ITGA11: variants seen among roughly 807,000 people sequenced by gnomAD.
The protein encoded by ITGA11 is integrin subunit alpha 11.
In ITGA11, 97 loss-of-function variants were observed where a neutral mutation model predicts 141.9. The observed-to-expected ratio is 0.68, with a 90% CI of 0.58 to 0.81. ITGA11 has a LOEUF of 0.81. ITGA11 is among the 30% of genes least tolerant of loss of function. The pLI is 0.00. For synonymous variants in ITGA11, 658 were observed against 624.6 expected (o/e 1.05, Z -0.80); for missense variants, 1,387 against 1,559.2 (o/e 0.89, Z 1.86).
chr15:68,402,477 T>C (rs1043112846), intron 2 of ITGA11, among the ~76,000 whole-genome samples: 1 of 152,112 alleles, frequency 6.6e-6, no homozygotes, highest in African/African-American at 2.4e-5. Context: ...CTCTTGGGGA[T>C]CTTTCCAGCC....
At position 68,432,101 on chromosome 15, in the gene ITGA11, C is replaced by T. The variant is rs1447646176; in HGVS notation, c.-35G>A. 7.4e-7 allele frequency: 1 copy of T among 1,354,284 alleles called. No homozygotes were observed. Among genetic ancestry groups the T allele is most frequent in the South Asian group, 2.1e-5 (1 of 47,344 alleles). 83.9% of individuals were successfully genotyped at this position (1,354,284 alleles called of 1,614,324 possible). On this transcript the variant is annotated 5_prime_UTR_variant, in exon 1 of 30. Coordinates refer to ENST00000315757, the MANE Select transcript of ITGA11 (RefSeq NM_001004439.2). ...CACGGCGGCTGGGTCCGGTGTGCAG[C>T]GGCGGCGGGGGGCGGCAAGCCAGAG...
chr15:68,351,138 CTTTT>C (rs1193565640), intron 8 of ITGA11, 116 bp downstream of exon 8: 2 of 1,089,498 alleles, frequency 1.8e-6, no homozygotes, highest in South Asian at 1.6e-5. Flanking sequence ...AAATGGGAGG[CTTTT>C]TTGAGGGCCT....
chr15:68,418,760 C>G (rs960246996), intron 1 of ITGA11, among the ~76,000 whole-genome samples: 3 of 151,896 alleles, frequency 2.0e-5, no homozygotes, highest in Non-Finnish European at 4.4e-5. Context: ...TCCTGGCATA[C>G]TGACCATCTC....
chr15:68,391,310 C>T (rs777123746), intron 2 of ITGA11, among the ~76,000 whole-genome samples: 1 of 152,188 alleles, frequency 6.6e-6, no homozygotes, highest in Non-Finnish European at 1.5e-5. Context: ...CCTGGGGCAC[C>T]ATTTCTCTCC....
At chr15:68,404,011 C>T (rs767820404) in intron 1 of ITGA11, among the ~76,000 whole-genome samples, 3 of 152,136 alleles carry the variant, frequency 2.0e-5, no homozygotes, top group Non-Finnish European at 4.4e-5. Context: ...AGGGAACTCC[C>T]GATTCTACCA....
At chr15:68,374,895 C>G (rs549245529) in intron 2 of ITGA11, among the ~76,000 whole-genome samples, 1 of 152,372 alleles carries the variant, frequency 6.6e-6, no homozygotes, top group South Asian at 2.1e-4. Context: ...GAATGAATCA[C>G]TTTCAATGCA....
At position 68,302,131 on chromosome 15, in the gene ITGA11, C is replaced by A. The variant is rs1342833810; in HGVS notation, c.*928G>T. The A allele has an allele frequency of 8.4e-6, 1 of 118,934 alleles. No homozygotes were observed. The highest frequency in any genetic ancestry group is 3.3e-5 in the African/African-American group (1 of 30,684). 7.4% of individuals were successfully genotyped at this position (118,934 alleles called of 1,614,324 possible). A position where few individuals can be genotyped will look rare whatever the true frequency, so the allele number is the denominator to read the frequency against. On this transcript the variant is annotated 3_prime_UTR_variant, in exon 30 of 30. Transcript: ENST00000315757. ...GTGTGTGTGTAGGGAGGGGGTGATA[C>A]AGGGAGGGGAGGCTCCCTACCCCTA...
At chr15:68,317,929 T>C (rs1323971150) in intron 20 of ITGA11, among the ~76,000 whole-genome samples, 3 of 152,214 alleles carry the variant, frequency 2.0e-5, no homozygotes, top group East Asian at 3.9e-4. Flanking sequence ...TGCATGTGTG[T>C]GCATGTACCT....
rs769741463 is a variant in ITGA11 at position 68,348,822 on chromosome 15, C to A, written c.1131+8G>T. On this transcript the variant is annotated splice_region_variant and intron_variant, in intron 10 of 29. Transcript: ENST00000315757. Reference sequence around the variant, plus strand: ...GCTGGGCTCTGTGCCCGTACCTCCACCACATACCTCCACCACGTGCGAGGA... The same window carrying A: ...GCTGGGCTCTGTGCCCGTACCTCCAACACATACCTCCACCACGTGCGAGGA... The A allele has an allele frequency of 1.9e-6, 3 of 1,605,270 alleles. No individual in the cohort carries two copies. Among genetic ancestry groups the A allele is most frequent in the East Asian group, 2.2e-5 (1 of 44,478 alleles).
intron 3 of ITGA11, 103 bp downstream of exon 3, chr15:68,369,081 C>A (rs1488911358): frequency 1.3e-6 from 1 of 797,300 alleles, no homozygotes; most frequent in Non-Finnish European, 2.2e-6. Flanking sequence ...CATGGAGTAG[C>A]AGGAAGGAGT....
intron 11 of ITGA11, among the ~76,000 whole-genome samples, chr15:68,338,855 C>T (rs188164053): frequency 6.6e-5 from 10 of 152,348 alleles, no homozygotes; most frequent in Admixed American, 5.2e-4. Flanking sequence ...GGACCCTGAA[C>T]ATCACCCCCC....
intron 20 of ITGA11, among the ~76,000 whole-genome samples, chr15:68,318,478 G>T (rs913997233): frequency 6.6e-6 from 1 of 152,174 alleles, no homozygotes. Flanking sequence ...ACCATCAGGT[G>T]GGCTCTTCAT....
intron 9 of ITGA11, 73 bp downstream of exon 9, chr15:68,350,544 G>A (rs1470676313): frequency 6.9e-7 from 1 of 1,440,682 alleles, no homozygotes; most frequent in African/African-American, 1.4e-5. Flanking sequence ...TGTGGGATTG[G>A]TTTGTGCTCT....
rs761902509 is a variant in ITGA11 at position 68,351,290 on chromosome 15, C to T, written c.862G>A (p.Glu288Lys). Reference sequence around the variant, plus strand: ...GCATATCTTGTTACGTTGTCTCTTTCGCTTTGCTGGATCACCTTCTCCAGG... The same window carrying T: ...GCATATCTTGTTACGTTGTCTCTTTTGCTTTGCTGGATCACCTTCTCCAGG... ...PDLEKVIQQS[E>K]RDNVTRYAVA... The change falls in exon 8 of 30, where the codon GAA becomes AAA. Residue 288 changes from glutamate to lysine, a missense_variant. By Grantham distance (56) the Glu-to-Lys change is moderately conservative. Coordinates refer to ENST00000315757, the MANE Select transcript of ITGA11 (RefSeq NM_001004439.2). 7 of 1,614,014 alleles carry T rather than the reference C, an allele frequency of 4.3e-6. No homozygotes were observed. Among genetic ancestry groups the T allele is most frequent in the Middle Eastern group, 1.6e-4 (1 of 6,062 alleles).
chr15:68,336,624 C>T (rs1012701537), intron 11 of ITGA11, among the ~76,000 whole-genome samples: 12 of 152,214 alleles, frequency 7.9e-5, no homozygotes, highest in African/African-American at 2.7e-4. Context: ...TGAAAGTGGG[C>T]TCCAGCAGGT....
intron 1 of ITGA11, among the ~76,000 whole-genome samples, chr15:68,427,679 G>A (rs909756539): frequency 6.6e-6 from 1 of 152,132 alleles, no homozygotes; most frequent in Non-Finnish European, 1.5e-5. Flanking sequence ...ACCAGCACCA[G>A]TCTCCTCCTC....
chr15:68,379,907 T>G (rs1895817418), intron 2 of ITGA11, among the ~76,000 whole-genome samples: 5 of 151,558 alleles, frequency 3.3e-5, no homozygotes. Flanking sequence ...CATTGCATGG[T>G]AGGAAGGAAA....
In ITGA11 at chr15:68,357,115, T is replaced by G. The variant is rs374075284; in HGVS notation, c.749+36A>C. On this transcript the variant is annotated intron_variant, in intron 7 of 29. Transcript: ENST00000315757. ...TAGATAACTACAATAGCATCTGAGATCTAAAAAAATTTTTTTTGTTCTACT... is the reference window on the plus strand; with the variant it reads ...TAGATAACTACAATAGCATCTGAGAGCTAAAAAAATTTTTTTTGTTCTACT... The G allele has an allele frequency of 2.3e-4, 373 of 1,599,484 alleles. 1 individual carries two copies. In the African/African-American group the frequency reaches 4.5e-3, roughly 19 times the overall value.
Position 68,321,014 on chromosome 15 carries a change from T to C in ITGA11, c.2408+404A>G, listed in dbSNP as rs1893787817. ...CCTCGGCTGGTGTCCCTGGCATCTT[T>C]CCATCAGAAGGATTGGAAAGCCCAA... is the stretch of plus-strand genomic sequence containing the variant. On this transcript the variant is annotated intron_variant, in intron 19 of 29. Coordinates refer to ENST00000315757, the MANE Select transcript of ITGA11 (RefSeq NM_001004439.2). This position sits in a 1 kb window ranked among gnomAD's most constrained non-coding sequence, Gnocchi z 4.9. 6.6e-6 allele frequency among the ~76,000 whole-genome samples: 1 copy of C among 152,150 alleles called. No individual in the cohort carries two copies. Among genetic ancestry groups the C allele is most frequent in the Non-Finnish European group, 1.5e-5 (1 of 68,020 alleles).
Sources: gnomAD v4.1 joint callset for allele counts (sites outside exome capture counted in the v4.1 genomes callset) on GRCh38, gnomAD v4.1.1 for gene constraint, Gnocchi (gnomAD v3.1) non-coding constraint, MANE v1.5 for transcripts, NCBI Gene and HGNC (gene_info 2026-07-23, HGNC 2026-07-21) for gene names.